Variants in TLE1 observed in about 807,000 individuals in gnomAD.
TLE1 encodes the protein TLE family member 1, transcriptional corepressor, also known as transducin-like enhancer protein 1.
A neutral mutation model predicts 89.8 loss-of-function variants in TLE1; 21 were observed. That is an observed-to-expected ratio of 0.23 (90% CI 0.17 to 0.34). The LOEUF is 0.34. Among genes scored for constraint, TLE1 ranks in the 10% least tolerant of loss-of-function variants. TLE1 has a pLI of 1.00. For synonymous variants in TLE1, 447 were observed against 407.6 expected, an observed-to-expected ratio of 1.10 and a Z score of -1.16; for missense variants, 795 against 1,031.2, an observed-to-expected ratio of 0.77 and a Z score of 3.14.
rs537653282 is a variant in TLE1 at position 81,645,569 on chromosome 9, C to T, written c.372+6645G>A. 4.0e-5 allele frequency among the ~76,000 whole-genome samples: 6 copies of T among 151,076 alleles called. No homozygotes were observed. The East Asian group carries it at 9.9e-4, about 25-fold the overall frequency. Reference sequence around the variant, plus strand: ...CAGCCTGGCCAACATGGAGAAACCTCGTCTCTACTAAAAATACAAAATTAG... The same window carrying T: ...CAGCCTGGCCAACATGGAGAAACCTTGTCTCTACTAAAAATACAAAATTAG... On this transcript the variant is annotated intron_variant, in intron 6 of 19. Transcript: ENST00000376499.
chr9:81,670,660 T>C (rs1832094903), intron 4 of TLE1, among the ~76,000 whole-genome samples: 1 of 151,516 alleles, frequency 6.6e-6, no homozygotes, highest in African/African-American at 2.4e-5. Context: ...TTGTTACTTA[T>C]TCCTTATTAA....
chr9:81,634,901 T>A (rs1827177770), intron 6 of TLE1, among the ~76,000 whole-genome samples: 1 of 152,132 alleles, frequency 6.6e-6, no homozygotes, highest in Non-Finnish European at 1.5e-5. Flanking sequence ...GGAATAGAAT[T>A]TGGAAAGGAA....
chr9:81,644,854 C>A (rs1292441471), intron 6 of TLE1, among the ~76,000 whole-genome samples: 1 of 151,046 alleles, frequency 6.6e-6, no homozygotes, highest in Non-Finnish European at 1.5e-5. Context: ...ATTAGCCAGG[C>A]ATGGTGGTGT....
intron 6 of TLE1, among the ~76,000 whole-genome samples, chr9:81,651,330 G>C (rs1327383813): frequency 6.6e-6 from 1 of 152,160 alleles, no homozygotes; most frequent in Non-Finnish European, 1.5e-5. Context: ...AACCATCCCA[G>C]GTCCTGCAGT....
At chr9:81,662,343 A>C (rs1480044794) in intron 4 of TLE1, among the ~76,000 whole-genome samples, 1 of 142,402 alleles carries the variant, frequency 7.0e-6, no homozygotes, top group Non-Finnish European at 1.5e-5. Context: ...ACACGGTGTT[A>C]GTATTAGTGT....
At chr9:81,644,120 G>A (rs996424318) in intron 6 of TLE1, among the ~76,000 whole-genome samples, 2 of 152,166 alleles carry the variant, frequency 1.3e-5, no homozygotes, top group East Asian at 1.9e-4. Context: ...TAGAGAAATT[G>A]GAATTCTCGT....
intron 4 of TLE1, among the ~76,000 whole-genome samples, chr9:81,681,060 AC>A (rs1041323904): frequency 6.6e-6 from 1 of 152,182 alleles, no homozygotes; most frequent in Non-Finnish European, 1.5e-5. Context: ...CCACTAAAGA[AC>A]AACGCATTTT....
chr9:81,637,441 C>T (rs1180239900), intron 6 of TLE1, among the ~76,000 whole-genome samples: 1 of 152,246 alleles, frequency 6.6e-6, no homozygotes, highest in Non-Finnish European at 1.5e-5. Context: ...GGCTTTGCCA[C>T]AGCTGTGAAG....
chr9:81,609,217 T>C (rs2132033218), intron 14 of TLE1, among the ~76,000 whole-genome samples: 1 of 152,196 alleles, frequency 6.6e-6, no homozygotes, highest in South Asian at 2.1e-4. Context: ...CCCGAGTAGC[T>C]GGGATTACAG....
At chr9:81,655,723 A>C (rs1478476487) in intron 4 of TLE1, among the ~76,000 whole-genome samples, 2 of 152,096 alleles carry the variant, frequency 1.3e-5, no homozygotes, top group Non-Finnish European at 2.9e-5. Context: ...AAAAGCACGC[A>C]GTCCATGACC....
intron 6 of TLE1, among the ~76,000 whole-genome samples, chr9:81,638,057 C>T (rs912114364): frequency 3.9e-5 from 6 of 152,198 alleles, no homozygotes; most frequent in South Asian, 2.1e-4. Context: ...ACTGAGACTT[C>T]GCATTTCCCC....
intron 15 of TLE1, among the ~76,000 whole-genome samples, chr9:81,591,813 T>C (rs1282262710): frequency 1.3e-5 from 2 of 152,196 alleles, no homozygotes; most frequent in Non-Finnish European, 2.9e-5. Flanking sequence ...TTGAAGTTAT[T>C]TGGTTTTTTT....
Position 81,662,880 on chromosome 9 carries a change from C to T in TLE1, c.235-8844G>A, listed in dbSNP as rs182173883. Among the ~76,000 whole-genome samples the T allele has an allele frequency of 3.2e-4, 48 of 152,024 alleles. No individual in the cohort carries two copies. The East Asian group carries it at 4.1e-3, about 13-fold the overall frequency. ...GTTGTTGTTTTGAGACAGGGTCTCA[C>T]CCTGTTGCCCAGGCTGGAGTGCAGT... On this transcript the variant is annotated intron_variant, in intron 4 of 19. Transcript: ENST00000376499.
chr9:81,586,268 C>A (rs1403841400), intron 17 of TLE1, among the ~76,000 whole-genome samples: 1 of 152,150 alleles, frequency 6.6e-6, no homozygotes, highest in African/African-American at 2.4e-5. Context: ...CCACCCGCCT[C>A]GGCCTCCCAA....
chr9:81,669,352 G>A (rs1254011469), intron 4 of TLE1, among the ~76,000 whole-genome samples: 1 of 152,170 alleles, frequency 6.6e-6, no homozygotes, highest in Admixed American at 6.5e-5. Flanking sequence ...GGGCCACTCG[G>A]CTGTTTTCAA....
chr9:81,685,831 A>T lies in TLE1; in HGVS notation c.189+2T>A. 1 of 1,614,114 alleles carries T rather than the reference A, an allele frequency of 6.2e-7. No individual in the cohort carries two copies. The highest frequency in any genetic ancestry group is 8.5e-7 in the Non-Finnish European group (1 of 1,179,982). ...GGAAAAAGTCCAATCTTTGATACCT[A>T]CCATCACATAGTGCCTCTGCATTTC... On this transcript the variant is annotated splice_donor_variant, in intron 3 of 19. Coordinates refer to ENST00000376499, the MANE Select transcript of TLE1 (RefSeq NM_005077.5). LOFTEE classifies it high-confidence loss of function.
intron 4 of TLE1, among the ~76,000 whole-genome samples, chr9:81,659,371 C>G (rs561175964): frequency 2.0e-4 from 31 of 152,214 alleles, no homozygotes; most frequent in Admixed American, 3.9e-4. Flanking sequence ...ATTTTCCTAC[C>G]CAATGATGAA....
At chr9:81,683,476 G>C (rs528589674) in intron 4 of TLE1, among the ~76,000 whole-genome samples, 2 of 152,202 alleles carry the variant, frequency 1.3e-5, no homozygotes, top group South Asian at 2.1e-4. Flanking sequence ...GCATCAATTT[G>C]AGCTTGGCTA....
chr9:81,639,186 A>G (rs1186236873), intron 6 of TLE1, among the ~76,000 whole-genome samples: 1 of 151,806 alleles, frequency 6.6e-6, no homozygotes, highest in East Asian at 1.9e-4. Context: ...TCAGCCTCCC[A>G]AAGTGCTGGG....
Sources: gnomAD v4.1 joint callset for allele counts (sites outside exome capture counted in the v4.1 genomes callset) on GRCh38, gnomAD v4.1.1 for gene constraint, MANE v1.5 for transcripts, NCBI Gene and HGNC (gene_info 2026-07-23, HGNC 2026-07-21) for gene names.